Variants in GDA observed in about 807,000 individuals in gnomAD.
GDA encodes guanine deaminase, also known as cytoplasmic PSD-95 interactor.
A neutral mutation model predicts 59.6 loss-of-function variants in GDA; 18 were observed. The ratio of observed to expected loss-of-function variants is 0.30; its 90% CI spans 0.21 to 0.45. The LOEUF (loss-of-function observed/expected upper bound fraction) is 0.45. GDA is among the 20% of genes least tolerant of loss of function. The pLI, the probability that GDA is intolerant of heterozygous loss-of-function variation, is 1.00. For synonymous variants in GDA, 201 were observed against 201.1 expected, an observed-to-expected ratio of 1.00 and a Z score of 0.00; for missense variants, 427 against 552.3, an observed-to-expected ratio of 0.77 and a Z score of 2.27.
chr9:72,192,237 T>C (rs992183229), intron 1 of GDA, among the ~76,000 whole-genome samples: 2 of 127,008 alleles, frequency 1.6e-5, no homozygotes, highest in Non-Finnish European at 3.3e-5. Context: ...TTTTTTTTTT[T>C]TTTTTTTTTT....
intron 1 of GDA, among the ~76,000 whole-genome samples, chr9:72,177,783 T>G (rs1337289641): frequency 2.6e-5 from 4 of 152,244 alleles, no homozygotes; most frequent in Admixed American, 6.5e-5. Context: ...TGTGAAGTTG[T>G]TTTTGCTGGT....
intron 1 of GDA, among the ~76,000 whole-genome samples, chr9:72,118,779 C>T (rs4416886): frequency 0.12 from 17,946 of 152,184 alleles, 2,187 homozygotes; most frequent in African/African-American, 0.31. Flanking sequence ...TAGGCACGCT[C>T]ATATACTGAT....
intron 1 of GDA, among the ~76,000 whole-genome samples, chr9:72,166,569 G>T (rs1277908948): frequency 2.6e-5 from 4 of 152,050 alleles, no homozygotes; most frequent in African/African-American, 9.7e-5. Context: ...TACTCAAGAT[G>T]AGGGATCAAA....
intron 13 of GDA, 72 bp downstream of exon 13, chr9:72,247,505 T>C (rs889439942): frequency 2.5e-6 from 2 of 802,968 alleles, no homozygotes; most frequent in Non-Finnish European, 4.3e-6. Flanking sequence ...GGTATGGCTC[T>C]ATGTATTTAT....
At chr9:72,161,992 A>T (rs550515238) in intron 1 of GDA, among the ~76,000 whole-genome samples, 1 of 152,368 alleles carries the variant, frequency 6.6e-6, no homozygotes, top group African/African-American at 2.4e-5. Flanking sequence ...ACTGATGCAG[A>T]GTTTTTCTCC....
chr9:72,191,752 A>T (rs1428250309), intron 1 of GDA, among the ~76,000 whole-genome samples: 1 of 151,970 alleles, frequency 6.6e-6, no homozygotes, highest in Non-Finnish European at 1.5e-5. Context: ...CACCCAGCTG[A>T]TTTTTTGTAT....
At chr9:72,184,253 T>C (rs759981045) in intron 1 of GDA, among the ~76,000 whole-genome samples, 3 of 152,184 alleles carry the variant, frequency 2.0e-5, no homozygotes, top group Non-Finnish European at 2.9e-5. Context: ...GGGCTCACTC[T>C]TGGATTTGTA....
chr9:72,250,448 TG>T lies in GDA; in HGVS notation c.*2107del. On this transcript the variant is annotated 3_prime_UTR_variant, in exon 14 of 14. Coordinates refer to ENST00000358399, the MANE Select transcript of GDA (RefSeq NM_004293.5). ...AAACATTTAAATTTAGCTCTGATAG[TG>T]TGTTAAGACCTGAATATCTTTCCTA... is the stretch of plus-strand genomic sequence containing the variant. The T allele has an allele frequency of 8.0e-7, 1 of 1,254,334 alleles. No individual in the cohort carries two copies. Among genetic ancestry groups the T allele is most frequent in the Non-Finnish European group, 1.0e-6 (1 of 993,128 alleles). 77.7% of individuals were successfully genotyped at this position (1,254,334 alleles called of 1,614,324 possible).
intron 1 of GDA, among the ~76,000 whole-genome samples, chr9:72,131,791 A>G (rs1246455252): frequency 6.6e-6 from 1 of 152,194 alleles, no homozygotes; most frequent in East Asian, 1.9e-4. Flanking sequence ...CTGTGTCAAG[A>G]AAATGCTCGA....
At chr9:72,215,333 AGAAT>A (rs914431154) in intron 5 of GDA, among the ~76,000 whole-genome samples, 6 of 89,698 alleles carry the variant, frequency 6.7e-5, no homozygotes, top group African/African-American at 2.0e-4. Flanking sequence ...GGTATAAAGA[AGAAT>A]TTTTTTTTGT....
At chr9:72,143,949 C>T (rs1826532983) in intron 1 of GDA, among the ~76,000 whole-genome samples, 1 of 152,132 alleles carries the variant, frequency 6.6e-6, no homozygotes, top group Non-Finnish European at 1.5e-5. Flanking sequence ...TGGCCAGACG[C>T]AGTGGCTCAT....
chr9:72,182,645 A>G (rs1389103273), intron 1 of GDA, among the ~76,000 whole-genome samples: 1 of 152,218 alleles, frequency 6.6e-6, no homozygotes, highest in Non-Finnish European at 1.5e-5. Context: ...TTTGATAATT[A>G]TATAAATATC....
At chr9:72,187,210 C>T (rs564141208) in intron 1 of GDA, among the ~76,000 whole-genome samples, 34 of 152,250 alleles carry the variant, frequency 2.2e-4, no homozygotes, top group African/African-American at 6.7e-4. Flanking sequence ...GAATGTTTGT[C>T]CTCTCAGAAA....
Position 72,249,824 on chromosome 9 carries a change from G to A in GDA, c.*1482G>A, listed in dbSNP as rs1042805494. 12 of 918,850 alleles carry A rather than the reference G, an allele frequency of 1.3e-5. No individual in the cohort carries two copies. Among genetic ancestry groups the A allele is most frequent in the East Asian group, 1.2e-4 (1 of 8,490 alleles). The allele number at this position is 918,850 out of a possible 1,614,324, so 56.9% of individuals were successfully genotyped here. A position where few individuals can be genotyped will look rare whatever the true frequency, so the allele number is the denominator to read the frequency against. The stretch of plus-strand genomic sequence containing the variant: ...AACTTTATGTAATATAGCTAACTCC[G>A]TATTTACAGAACAAAAAAACACAGT... On this transcript the variant is annotated 3_prime_UTR_variant, in exon 14 of 14. Coordinates refer to ENST00000358399, the MANE Select transcript of GDA (RefSeq NM_004293.5).
intron 1 of GDA, among the ~76,000 whole-genome samples, chr9:72,139,264 A>C (rs1333813827): frequency 2.6e-5 from 4 of 152,132 alleles, no homozygotes; most frequent in Admixed American, 6.5e-5. Flanking sequence ...GGAATGGGTA[A>C]AAATTATACA....
At chr9:72,198,860 T>TATATATATATATATATAA (rs1476964247) in intron 2 of GDA, among the ~76,000 whole-genome samples, 6 of 150,470 alleles carry the variant, frequency 4.0e-5, no homozygotes. Flanking sequence ...TATATATATA[T>TATATATATATATATATAA]AAAATTTTTT....
chr9:72,173,381 G>A (rs1830199512), intron 1 of GDA, among the ~76,000 whole-genome samples: 1 of 151,406 alleles, frequency 6.6e-6, no homozygotes, highest in African/African-American at 2.4e-5. Context: ...CCCAGCCTGG[G>A]GTGCAATGGT....
chr9:72,231,211 A>G, intron 10 of GDA, 30 bp downstream of exon 10: 1 of 1,120,722 alleles, frequency 8.9e-7, no homozygotes, highest in Non-Finnish European at 1.4e-6. Context: ...GAGCTATGGC[A>G]AAGTGGTTGA....
intron 1 of GDA, among the ~76,000 whole-genome samples, chr9:72,158,623 A>T (rs947424883): frequency 6.6e-6 from 1 of 151,818 alleles, no homozygotes; most frequent in Non-Finnish European, 1.5e-5. Context: ...GATTAATAGC[A>T]CCTTGATAGA....
Sources: allele counts gnomAD v4.1 joint callset (sites outside exome capture counted in the v4.1 genomes callset), GRCh38; gene constraint gnomAD v4.1.1; transcripts MANE v1.5; gene names NCBI Gene and HGNC (gene_info 2026-07-23, HGNC 2026-07-21).